CNGB3: variants seen among roughly 807,000 people sequenced by gnomAD.
The protein encoded by CNGB3 is cyclic nucleotide-gated channel beta-3.
CNGB3 carries 86 observed loss-of-function variants against 92.8 expected under a neutral mutation model. The ratio of observed to expected loss-of-function variants is 0.93; its 90% CI spans 0.78 to 1.11. The LOEUF is 1.11. CNGB3 is among the 50% of genes least tolerant of loss of function. The pLI is 0.00. For missense variants in CNGB3, 1,026 were observed against 956.8 expected, an observed-to-expected ratio of 1.07 and a Z score of -0.95; for synonymous variants, 333 against 332.7, an observed-to-expected ratio of 1.00 and a Z score of -0.01.
chr8:86,610,589 A>T (rs1348036978), intron 14 of CNGB3, among the ~76,000 whole-genome samples: 1 of 152,030 alleles, frequency 6.6e-6, no homozygotes, highest in Non-Finnish European at 1.5e-5. Context: ...TGCTTTGACC[A>T]TAGCATTTAA....
intron 3 of CNGB3, among the ~76,000 whole-genome samples, chr8:86,721,073 T>G (rs1395306278): frequency 6.6e-6 from 1 of 151,968 alleles, no homozygotes; most frequent in Admixed American, 6.6e-5. Flanking sequence ...TTCAAGTGAT[T>G]CTCATGCCTC....
At chr8:86,652,342 T>C (rs530298744) in intron 7 of CNGB3, among the ~76,000 whole-genome samples, 1 of 152,156 alleles carries the variant, frequency 6.6e-6, no homozygotes, top group South Asian at 2.1e-4. Flanking sequence ...TACTGTACAC[T>C]ACTGTAGACT....
chr8:86,726,803 T>C (rs1825068067), intron 2 of CNGB3, 146 bp from the exon 3 acceptor site: 1 of 873,218 alleles, frequency 1.1e-6, no homozygotes, highest in Non-Finnish European at 1.9e-6. Flanking sequence ...CTAAACAAAG[T>C]AGGACTTTAT....
At position 86,586,094 on chromosome 8, in the gene CNGB3, G is replaced by T. The variant is rs182288332; in HGVS notation, c.1782-6842C>A. 7.2e-5 allele frequency among the ~76,000 whole-genome samples: 11 copies of T among 152,276 alleles called. No homozygotes were observed. In the East Asian group the frequency reaches 1.5e-3, roughly 21 times the overall value. On this transcript the variant is annotated intron_variant, in intron 15 of 17. Coordinates refer to ENST00000320005, the MANE Select transcript of CNGB3 (RefSeq NM_019098.5). Reference sequence around the variant, plus strand: ...GGTCAATCATGCAAGGGAAGATAAAGAATTCACTGTATAAATGGAAAAGAA... The same window carrying T: ...GGTCAATCATGCAAGGGAAGATAAATAATTCACTGTATAAATGGAAAAGAA...
chr8:86,709,971 C>G (rs1431024921), intron 3 of CNGB3, among the ~76,000 whole-genome samples: 1 of 152,128 alleles, frequency 6.6e-6, no homozygotes, highest in South Asian at 2.1e-4. Flanking sequence ...GTATTAAGTG[C>G]CAGATCCTGT....
At chr8:86,607,394 T>C (rs773265002) in intron 14 of CNGB3, among the ~76,000 whole-genome samples, 25 of 152,166 alleles carry the variant, frequency 1.6e-4, no homozygotes, top group Non-Finnish European at 3.5e-4. Flanking sequence ...AAGAGCTTCA[T>C]GTAGAGTGAG....
At chr8:86,605,768 C>G (rs1822400675) in intron 14 of CNGB3, among the ~76,000 whole-genome samples, 4 of 152,110 alleles carry the variant, frequency 2.6e-5, no homozygotes, top group African/African-American at 7.2e-5. Context: ...TATAACTTAA[C>G]TATTCTCTGG....
At chr8:86,583,269 T>A (rs900578235) in intron 15 of CNGB3, among the ~76,000 whole-genome samples, 1 of 152,144 alleles carries the variant, frequency 6.6e-6, no homozygotes, top group Non-Finnish European at 1.5e-5. Context: ...TTGGTAATTA[T>A]AACCTATGGA....
chr8:86,628,878 C>T, intron 12 of CNGB3, 41 bp downstream of exon 12: 1 of 1,607,702 alleles, frequency 6.2e-7, no homozygotes, highest in Non-Finnish European at 8.5e-7. Flanking sequence ...CATCATATGA[C>T]AAGGTTTACA....
intron 15 of CNGB3, among the ~76,000 whole-genome samples, chr8:86,588,551 T>C (rs1250588705): frequency 4.0e-5 from 6 of 151,362 alleles, no homozygotes; most frequent in Admixed American, 6.6e-5. Context: ...AGCATGAAGG[T>C]TGTTGAATTT....
rs905009381 is a variant in CNGB3 at position 86,657,459 on chromosome 8, G to A, written c.853-3397C>T. On this transcript the variant is annotated intron_variant, in intron 6 of 17. Transcript: ENST00000320005. ...ATGCAGGGGTTGCTGCCCAAGCCTG[G>A]GTGCTCCTGGGGGTTCTGCATCTCA... 8 of 516,982 alleles carry A rather than the reference G, an allele frequency of 1.5e-5. No individual in the cohort carries two copies. The Admixed American group carries it at 1.6e-4, about 11-fold the overall frequency. 32.0% of individuals were successfully genotyped at this position (516,982 alleles called of 1,614,324 possible).
chr8:86,607,702 C>G (rs1445771123), intron 14 of CNGB3, among the ~76,000 whole-genome samples: 1 of 152,152 alleles, frequency 6.6e-6, no homozygotes, highest in Non-Finnish European at 1.5e-5. Flanking sequence ...TGCCATAGAG[C>G]ATCTGAAGAA....
chr8:86,728,806 T>C (rs1825108623), intron 2 of CNGB3, among the ~76,000 whole-genome samples: 1 of 152,030 alleles, frequency 6.6e-6, no homozygotes, highest in Non-Finnish European at 1.5e-5. Context: ...AAAAGAAAAT[T>C]AGGACTGATA....
chr8:86,666,850 C>A, intron 6 of CNGB3, 75 bp downstream of exon 6: 1 of 1,174,150 alleles, frequency 8.5e-7, no homozygotes, highest in South Asian at 1.2e-5. Context: ...TTAAATAAAA[C>A]AATGCTGTTA....
At chr8:86,611,261 A>T (rs1332391541) in intron 14 of CNGB3, among the ~76,000 whole-genome samples, 1 of 152,186 alleles carries the variant, frequency 6.6e-6, no homozygotes, top group Non-Finnish European at 1.5e-5. Flanking sequence ...AAAAAGGCTG[A>T]ACCACCTATC....
chr8:86,666,112 A>G (rs2131614200), intron 6 of CNGB3, among the ~76,000 whole-genome samples: 1 of 152,306 alleles, frequency 6.6e-6, no homozygotes, highest in South Asian at 2.1e-4. Flanking sequence ...AAGGTTGAGT[A>G]GGTTCTAATG....
At chr8:86,702,877 A>C (rs1010270791) in intron 3 of CNGB3, among the ~76,000 whole-genome samples, 2 of 151,558 alleles carry the variant, frequency 1.3e-5, no homozygotes, top group Non-Finnish European at 2.9e-5. Flanking sequence ...AAAATAGGAG[A>C]GTTTTTATTT....
rs1159974308 is a variant in CNGB3, at chr8:86,628,944, A to G, written c.1455T>C (p.Tyr485=). Reference sequence around the variant, plus strand: ...CTAGCATTCTTTGAGAGTCCCATGTATATTCATACCAAGTCCGAACTCGCT... The same window carrying G: ...CTAGCATTCTTTGAGAGTCCCATGTGTATTCATACCAAGTCCGAACTCGCT... The part of the protein sequence containing the change: ...VQKRVRTWYE[Y]TWDSQRMLDE... The change falls in exon 12 of 18, where the codon TAT becomes TAC. Residue 485 remains tyrosine (Y), a synonymous_variant. Transcript: ENST00000320005. The G allele has an allele frequency of 3.1e-6, 5 of 1,613,780 alleles. No homozygotes were observed. The African/African-American group carries it at 5.3e-5, about 17-fold the overall frequency.
chr8:86,675,414 G>C (rs1823947415), intron 3 of CNGB3, among the ~76,000 whole-genome samples: 1 of 151,984 alleles, frequency 6.6e-6, no homozygotes, highest in South Asian at 2.1e-4. Flanking sequence ...AACTCATATT[G>C]GATAGTTGTC....
Sources: gnomAD v4.1 joint callset for allele counts (sites outside exome capture counted in the v4.1 genomes callset) on GRCh38, gnomAD v4.1.1 for gene constraint, MANE v1.5 for transcripts, NCBI Gene and HGNC (gene_info 2026-07-23, HGNC 2026-07-21) for gene names.